The following FASTKD1 variants were observed in gnomAD, a reference collection of about 807,000 sequenced individuals.
The protein encoded by FASTKD1 is FAST kinase domain-containing protein 1, mitochondrial.
FASTKD1 carries 94 observed loss-of-function variants against 90.9 expected under a neutral mutation model. The observed-to-expected ratio is 1.03, with a 90% CI of 0.88 to 1.23. The LOEUF (loss-of-function observed/expected upper bound fraction) is 1.23. FASTKD1 is among the 50% of genes most tolerant of loss of function. The probability of loss-of-function intolerance (pLI) is 0.00; values close to 1 mark genes in which losing one functional copy is unlikely to be tolerated. For synonymous variants in FASTKD1, 319 were observed against 345.8 expected (o/e 0.92, Z 0.86); for missense variants, 945 against 993.5 (o/e 0.95, Z 0.66).
intron 3 of FASTKD1, among the ~76,000 whole-genome samples, chr2:169,567,745 T>C (rs1684049378): frequency 6.6e-6 from 1 of 152,236 alleles, no homozygotes; most frequent in Admixed American, 6.5e-5. Flanking sequence ...AAGACTTTCC[T>C]GTCTGGTTTC....
intron 7 of FASTKD1, among the ~76,000 whole-genome samples, chr2:169,553,908 C>T (rs142323640): frequency 0.033 from 4,900 of 150,732 alleles, 117 homozygotes; most frequent in East Asian, 0.13. Context: ...GGCGACAGAG[C>T]GAGACTCCAT....
In FASTKD1 at chr2:169,568,001, A is replaced by C. The variant is rs533746962; in HGVS notation, c.446+1183T>G. On this transcript the variant is annotated intron_variant, in intron 3 of 14. Coordinates refer to ENST00000453153, the MANE Select transcript of FASTKD1 (RefSeq NM_024622.6). Reference sequence around the variant, plus strand: ...CTTCTGATATATAATTAGAGAATAAATTTCTCTGTACTCACAAGATTTCCC... The same window carrying C: ...CTTCTGATATATAATTAGAGAATAACTTTCTCTGTACTCACAAGATTTCCC... Among the ~76,000 whole-genome samples the C allele has an allele frequency of 5.3e-5, 8 of 152,340 alleles. No homozygotes were observed. In the East Asian group the frequency reaches 7.7e-4, roughly 15 times the overall value.
At chr2:169,558,694 A>C (rs898591021) in intron 5 of FASTKD1, among the ~76,000 whole-genome samples, 2 of 150,026 alleles carry the variant, frequency 1.3e-5, no homozygotes, top group Non-Finnish European at 3.0e-5. Context: ...CAAGTGATCC[A>C]ACCGCCTCAG....
At chr2:169,567,085 C>T (rs951762509) in intron 3 of FASTKD1, among the ~76,000 whole-genome samples, 5 of 150,970 alleles carry the variant, frequency 3.3e-5, no homozygotes, top group African/African-American at 1.2e-4. Context: ...ACTACGCTCC[C>T]GCCTGGGCAA....
chr2:169,542,507 T>C (rs1429668772), intron 9 of FASTKD1, among the ~76,000 whole-genome samples: 1 of 152,254 alleles, frequency 6.6e-6, no homozygotes, highest in Non-Finnish European at 1.5e-5. Context: ...ATATTGCTTC[T>C]GCTAAGGCTA....
At chr2:169,538,449 G>A (rs1160992838) in intron 10 of FASTKD1, among the ~76,000 whole-genome samples, 1 of 151,926 alleles carries the variant, frequency 6.6e-6, no homozygotes, top group Non-Finnish European at 1.5e-5. Flanking sequence ...GGCTGAGGTG[G>A]GCGGATCACC....
intron 12 of FASTKD1, among the ~76,000 whole-genome samples, chr2:169,532,678 CTT>C (rs2105327599): frequency 6.6e-6 from 1 of 151,476 alleles, no homozygotes; most frequent in South Asian, 2.1e-4. Context: ...AAAAAAAAAA[CTT>C]ATTCTCAAAT....
chr2:169,545,085 G>A (rs528814867), intron 8 of FASTKD1, among the ~76,000 whole-genome samples: 12 of 152,248 alleles, frequency 7.9e-5, no homozygotes, highest in African/African-American at 2.9e-4. Context: ...TATTTTGTTA[G>A]GTGTAAAATT....
At chr2:169,569,367 C>A in intron 2 of FASTKD1, 115 bp from the exon 3 acceptor site, 1 of 952,190 alleles carries the variant, frequency 1.1e-6, no homozygotes, top group South Asian at 1.4e-5. Context: ...CTTATACAGG[C>A]AGTCCTTATT....
chr2:169,532,023 C>T (rs1166158159), intron 12 of FASTKD1, among the ~76,000 whole-genome samples: 7 of 152,130 alleles, frequency 4.6e-5, no homozygotes, highest in Non-Finnish European at 8.8e-5. Flanking sequence ...AATGAGTGAT[C>T]ATTAATAACT....
rs1685107626 is a variant in FASTKD1, at chr2:169,544,714, T to C, written c.1816+7A>G. ...TCACTCAATGTATTACCAAACAATA[T>C]ACCTACCTAAGTAAGAATTAAGATG... is the stretch of plus-strand genomic sequence containing the variant. On this transcript the variant is annotated splice_region_variant and intron_variant, in intron 9 of 14. Coordinates refer to ENST00000453153, the MANE Select transcript of FASTKD1 (RefSeq NM_024622.6). The C allele has an allele frequency of 2.0e-6, 3 of 1,489,856 alleles. No homozygotes were observed. The highest frequency in any genetic ancestry group is 2.3e-5 in the East Asian group (1 of 44,210). The allele number at this position is 1,489,856 out of a possible 1,614,324, so 92.3% of individuals were successfully genotyped here.
intron 4 of FASTKD1, among the ~76,000 whole-genome samples, chr2:169,562,644 C>T (rs368257140): frequency 2.0e-5 from 3 of 151,538 alleles, no homozygotes; most frequent in Admixed American, 6.6e-5. Context: ...ATTCAGAGGC[C>T]ATTTTCAGTG....
chr2:169,549,948 T>TTTAATTTTATCA (rs1390767301), intron 7 of FASTKD1, among the ~76,000 whole-genome samples: 1 of 152,246 alleles, frequency 6.6e-6, no homozygotes, highest in Non-Finnish European at 1.5e-5. Context: ...AATTTTATCA[T>TTTAATTTTATCA]TTGACATGGT....
chr2:169,555,263 G>C lies in FASTKD1; in HGVS notation c.1083-8C>G. On this transcript the variant is annotated splice_region_variant and splice_polypyrimidine_tract_variant and intron_variant, in intron 6 of 14. Coordinates refer to ENST00000453153, the MANE Select transcript of FASTKD1 (RefSeq NM_024622.6). ...TGCAGAACTGAAGTAACTCTAAAAA[G>C]GATAGAGCATATATTATAACCAGTT... 1 of 1,601,186 alleles carries C rather than the reference G, an allele frequency of 6.2e-7. No individual in the cohort carries two copies. The highest frequency in any genetic ancestry group is 8.5e-7 in the Non-Finnish European group (1 of 1,173,284).
chr2:169,556,478 C>T (rs1293802001), intron 6 of FASTKD1, among the ~76,000 whole-genome samples: 2 of 149,922 alleles, frequency 1.3e-5, no homozygotes, highest in East Asian at 4.0e-4. Context: ...CACAGTGGCT[C>T]AACACTTTGG....
intron 2 of FASTKD1, among the ~76,000 whole-genome samples, chr2:169,570,205 A>T (rs1242006030): frequency 1.3e-5 from 2 of 152,184 alleles, no homozygotes; most frequent in Admixed American, 6.5e-5. Context: ...GAGACTAATA[A>T]ACAGATTAGG....
intron 9 of FASTKD1, among the ~76,000 whole-genome samples, chr2:169,542,592 G>A (rs1418260095): frequency 6.6e-6 from 1 of 152,202 alleles, no homozygotes; most frequent in Non-Finnish European, 1.5e-5. Flanking sequence ...CTGGCCAGGT[G>A]TGGTGGCACA....
At chr2:169,558,593 G>A (rs1683435974) in intron 5 of FASTKD1, among the ~76,000 whole-genome samples, 1 of 152,060 alleles carries the variant, frequency 6.6e-6, no homozygotes, top group African/African-American at 2.4e-5. Flanking sequence ...GAGATTACAG[G>A]TGCCCACCAC....
intron 12 of FASTKD1, among the ~76,000 whole-genome samples, chr2:169,534,475 T>G (rs1258114768): frequency 1.3e-5 from 2 of 149,508 alleles, no homozygotes; most frequent in South Asian, 2.1e-4. Flanking sequence ...TTTTTTTTTT[T>G]TTTTGATACA....
Sources: gnomAD v4.1 joint callset for allele counts (sites outside exome capture counted in the v4.1 genomes callset) on GRCh38, gnomAD v4.1.1 for gene constraint, MANE v1.5 for transcripts, NCBI Gene and HGNC (gene_info 2026-07-23, HGNC 2026-07-21) for gene names.